PLCB4: variants seen among roughly 807,000 people sequenced by gnomAD.
PLCB4 encodes phospholipase C beta 4, also known as 1-phosphatidylinositol 4,5-bisphosphate phosphodiesterase beta-4.
Under a neutral mutation model 178.8 loss-of-function variants are expected in PLCB4, and 77 were observed. The observed-to-expected ratio is 0.43, with a 90% CI of 0.36 to 0.52. The LOEUF (loss-of-function observed/expected upper bound fraction) is 0.52, where lower values mean the gene tolerates loss of function less well. PLCB4 is among the 20% of genes least tolerant of loss of function. The pLI is 0.00. For synonymous variants in PLCB4, 496 were observed against 490.8 expected, an observed-to-expected ratio of 1.01 and a Z score of -0.14; for missense variants, 1,024 against 1,453.4, an observed-to-expected ratio of 0.70 and a Z score of 4.80.
At chr20:9,425,026 C>T (rs2148587806) in intron 28 of PLCB4, among the ~76,000 whole-genome samples, 1 of 151,576 alleles carries the variant, frequency 6.6e-6, no homozygotes, top group South Asian at 2.1e-4. Context: ...GTCCAGGCTC[C>T]TTCCTCCTTC....
At chr20:9,335,471 C>T (rs1400909371) in intron 4 of PLCB4, among the ~76,000 whole-genome samples, 1 of 152,154 alleles carries the variant, frequency 6.6e-6, no homozygotes, top group Admixed American at 6.5e-5. Flanking sequence ...AAAGGTTGAA[C>T]TGTCCAAAAA....
intron 2 of PLCB4, among the ~76,000 whole-genome samples, chr20:9,204,404 G>C (rs2093590611): frequency 6.6e-6 from 1 of 151,970 alleles, no homozygotes; most frequent in Non-Finnish European, 1.5e-5. Flanking sequence ...TGTTGACCAG[G>C]CTGGAGTGCA....
intron 3 of PLCB4, among the ~76,000 whole-genome samples, chr20:9,258,485 G>A (rs6118546): frequency 6.6e-5 from 10 of 152,044 alleles, no homozygotes; most frequent in African/African-American, 2.4e-4. Flanking sequence ...GTGAGGCCGA[G>A]GTGGGTGGAT....
At chr20:9,118,933 G>T (rs1328904873) in intron 2 of PLCB4, among the ~76,000 whole-genome samples, 2 of 152,144 alleles carry the variant, frequency 1.3e-5, no homozygotes, top group Non-Finnish European at 2.9e-5. Flanking sequence ...TGAGCATCTT[G>T]CTAGGATGAG....
chr20:9,478,321 T>C (rs1050756625), intron 39 of PLCB4, among the ~76,000 whole-genome samples: 14 of 152,108 alleles, frequency 9.2e-5, no homozygotes, highest in African/African-American at 3.4e-4. Flanking sequence ...CCCACAGGGA[T>C]AGAGTTTGCA....
chr20:9,128,483 C>A (rs1244631017), intron 2 of PLCB4, among the ~76,000 whole-genome samples: 3 of 152,272 alleles, frequency 2.0e-5, no homozygotes, highest in East Asian at 3.9e-4. Context: ...GTGGCGCAGT[C>A]TTGGCTCACT....
At chr20:9,329,728 G>A (rs1224743613) in intron 4 of PLCB4, among the ~76,000 whole-genome samples, 3 of 152,206 alleles carry the variant, frequency 2.0e-5, no homozygotes, top group Non-Finnish European at 4.4e-5. Context: ...AATACTTGTA[G>A]CACATAGCAA....
chr20:9,104,443 T>C (rs2091289214), intron 2 of PLCB4, among the ~76,000 whole-genome samples: 1 of 152,116 alleles, frequency 6.6e-6, no homozygotes, highest in African/African-American at 2.4e-5. Context: ...ACTGGAGAAG[T>C]GTCAAAGAAT....
intron 3 of PLCB4, among the ~76,000 whole-genome samples, chr20:9,305,655 A>G (rs1382888133): frequency 6.6e-6 from 1 of 152,058 alleles, no homozygotes; most frequent in Non-Finnish European, 1.5e-5. Context: ...TTTTCCCCTG[A>G]CAGAGTATAT....
chr20:9,347,829 C>A (rs1194244671), intron 7 of PLCB4, among the ~76,000 whole-genome samples: 1 of 152,104 alleles, frequency 6.6e-6, no homozygotes, highest in Non-Finnish European at 1.5e-5. Context: ...CAAAAATTAG[C>A]CAGGCGTGGT....
At chr20:9,440,867 T>C (rs2042063357) in intron 30 of PLCB4, among the ~76,000 whole-genome samples, 1 of 152,074 alleles carries the variant, frequency 6.6e-6, no homozygotes. Flanking sequence ...AGTAAAAAGC[T>C]TGCTTGGTAG....
At chr20:9,236,156 C>G (rs1320700953) in intron 3 of PLCB4, among the ~76,000 whole-genome samples, 2 of 152,082 alleles carry the variant, frequency 1.3e-5, no homozygotes, top group South Asian at 2.1e-4. Flanking sequence ...AATTTTGTCT[C>G]TTGATGTCTT....
intron 2 of PLCB4, among the ~76,000 whole-genome samples, chr20:9,163,299 G>A (rs974210496): frequency 6.6e-5 from 10 of 152,176 alleles, no homozygotes; most frequent in Non-Finnish European, 1.5e-4. Context: ...TTCACTAAAA[G>A]TAGAGAATGG....
chr20:9,152,674 G>A (rs1215047398), intron 2 of PLCB4, among the ~76,000 whole-genome samples: 1 of 152,188 alleles, frequency 6.6e-6, no homozygotes, highest in African/African-American at 2.4e-5. Context: ...AGGGCATCGT[G>A]GAAGGGAATG....
chr20:9,340,216 A>G (rs2033020708), intron 7 of PLCB4, among the ~76,000 whole-genome samples: 1 of 152,180 alleles, frequency 6.6e-6, no homozygotes, highest in African/African-American at 2.4e-5. Context: ...TGAGATTACA[A>G]AACTTAACCA....
intron 2 of PLCB4, among the ~76,000 whole-genome samples, chr20:9,140,497 G>C (rs899434769): frequency 6.6e-6 from 1 of 151,924 alleles, no homozygotes; most frequent in African/African-American, 2.4e-5. Flanking sequence ...TTGGTCATTT[G>C]TCCCTTCCAA....
chr20:9,407,772 T>C (rs948267319), intron 21 of PLCB4, 145 bp from the exon 22 acceptor site: 71 of 570,438 alleles, frequency 1.2e-4, no homozygotes, highest in Non-Finnish European at 6.8e-5. Flanking sequence ...CTTCTTAAAG[T>C]ATCCTTTAGC....
At chr20:9,397,005 C>T (rs1255327521) in intron 19 of PLCB4, among the ~76,000 whole-genome samples, 1 of 152,142 alleles carries the variant, frequency 6.6e-6, no homozygotes, top group Non-Finnish European at 1.5e-5. Context: ...CATCAATTGA[C>T]CCTTCTTTTC....
chr20:9,111,945 A>G (rs773736781), intron 2 of PLCB4, among the ~76,000 whole-genome samples: 3 of 152,200 alleles, frequency 2.0e-5, no homozygotes, highest in Non-Finnish European at 2.9e-5. Flanking sequence ...CACTAGTGGA[A>G]GTATTACTAT....
Sources: gnomAD v4.1 joint callset for allele counts (sites outside exome capture counted in the v4.1 genomes callset) on GRCh38, gnomAD v4.1.1 for gene constraint, MANE v1.5 for transcripts, NCBI Gene and HGNC (gene_info 2026-07-23, HGNC 2026-07-21) for gene names.